Variants in RBM44 observed in about 807,000 individuals in gnomAD.
RBM44 encodes RNA-binding protein 44.
RBM44 carries 66 observed loss-of-function variants against 105.1 expected under a neutral mutation model. That is an observed-to-expected ratio of 0.63 (90% CI 0.52 to 0.77). RBM44 has a LOEUF of 0.77. RBM44 is among the 30% of genes least tolerant of loss of function. The probability of loss-of-function intolerance (pLI) is 0.00; values close to 1 mark genes in which losing one functional copy is unlikely to be tolerated. For missense variants in RBM44, 1,122 were observed against 1,207.8 expected, an observed-to-expected ratio of 0.93 and a Z score of 1.05; for synonymous variants, 365 against 417.6, an observed-to-expected ratio of 0.87 and a Z score of 1.54.
chr2:237,821,123 CTT>C lies in RBM44; in HGVS notation c.1969_1970del (p.Leu657GlyfsTer6). The C allele has an allele frequency of 6.2e-7, 1 of 1,610,014 alleles. No individual in the cohort carries two copies. On this transcript the variant is annotated frameshift_variant, in exon 6 of 16. Coordinates refer to ENST00000316997, the MANE Select transcript of RBM44 (RefSeq NM_001080504.3). LOFTEE classifies it high-confidence loss of function. ...KKELGSALLS[L>X]LGDLKVRYVT... ...GGAATTGGGATCAGCACTACTGTCT[CTT>C]TTGGGGGACTTAAAAGTTAGATATG...
At chr2:237,826,468 C>T (rs1235852898) in intron 10 of RBM44, among the ~76,000 whole-genome samples, 1 of 152,080 alleles carries the variant, frequency 6.6e-6, no homozygotes, top group Admixed American at 6.6e-5. Flanking sequence ...CAAGTTGTCT[C>T]TCCCCTTTTT....
At chr2:237,816,883 A>G in intron 2 of RBM44, 110 bp from the exon 3 acceptor site, 1 of 653,498 alleles carries the variant, frequency 1.5e-6, no homozygotes, top group Non-Finnish European at 2.4e-6. Flanking sequence ...TGGATGATGT[A>G]AATTGTAATC....
Position 237,803,451 on chromosome 2 carries a change from A to ATG in RBM44, c.-19+4592_-19+4593dup, listed in dbSNP as rs1280966774. On this transcript the variant is annotated intron_variant, in intron 1 of 15. Coordinates refer to ENST00000316997, the MANE Select transcript of RBM44 (RefSeq NM_001080504.3). The surrounding 1 kb of genome is among the most constrained non-coding windows in gnomAD (Gnocchi z 4.2). ...ATTTGCATTTCCCTGATGACTAATG[A>ATG]TGTTGAGCATGTTTTCATACCTATA... Among the ~76,000 whole-genome samples, 2 of 152,228 alleles carry ATG rather than the reference A, an allele frequency of 1.3e-5. No individual in the cohort carries two copies. The highest frequency in any genetic ancestry group is 2.9e-5 in the Non-Finnish European group (2 of 68,036).
intron 1 of RBM44, among the ~76,000 whole-genome samples, chr2:237,801,989 TA>T (rs2061550844): frequency 6.6e-6 from 1 of 152,224 alleles, no homozygotes; most frequent in African/African-American, 2.4e-5. Context: ...GATTTGAACA[TA>T]AAATTAATTG....
rs2061682386 is a variant in RBM44 at position 237,813,665 on chromosome 2, G to A, written c.56G>A (p.Gly19Glu). Residue 19 changes from glycine to glutamate, a missense_variant, in exon 2 of 16, where the codon GGA (glycine) becomes GAA (glutamate). Physicochemically the swap from Gly to Glu is moderately conservative, Grantham distance 98 (BLOSUM62 -2). Transcript: ENST00000316997. ...TCTGGTAAAGGCTACCACAGTAATGGAGGCAACCTCCAAAAAGGTAAGGGT... is the reference window on the plus strand; with the variant it reads ...TCTGGTAAAGGCTACCACAGTAATGAAGGCAACCTCCAAAAAGGTAAGGGT... ...TASGKGYHSNGGNLQKDKPSN... is the reference protein window; with the variant it reads ...TASGKGYHSNEGNLQKDKPSN... 6.2e-7 allele frequency: 1 copy of A among 1,609,468 alleles called. No homozygotes were observed. The highest frequency in any genetic ancestry group is 1.7e-5 in the Admixed American group (1 of 59,948).
chr2:237,835,569 CTGATATGG>C (rs967931616), intron 15 of RBM44, among the ~76,000 whole-genome samples: 50 of 152,240 alleles, frequency 3.3e-4, no homozygotes, highest in African/African-American at 1.1e-3. Context: ...AACCTTATTG[CTGATATGG>C]TGAAAATTTT....
At chr2:237,826,257 A>G (rs528364570) in intron 10 of RBM44, among the ~76,000 whole-genome samples, 28 of 152,222 alleles carry the variant, frequency 1.8e-4, no homozygotes, top group Admixed American at 1.8e-3. Context: ...TATTCAGCAA[A>G]TATTTGTGTA....
intron 1 of RBM44, 25 bp from the exon 2 acceptor site, chr2:237,813,567 A>T (rs778089934): frequency 1.7e-6 from 2 of 1,191,464 alleles, no homozygotes; most frequent in South Asian, 2.5e-5. Flanking sequence ...GTATAATAAT[A>T]GTTCAATATT....
rs1198784955 is a variant in RBM44, at chr2:237,803,318, CAT to C, written c.-19+4459_-19+4460del. ...ACAGAGCGAGACACACACACACACA[CAT>C]ACTCTCTCTCTCACACACACACACA... is the stretch of plus-strand genomic sequence containing the variant. On this transcript the variant is annotated intron_variant, in intron 1 of 15. Coordinates refer to ENST00000316997, the MANE Select transcript of RBM44 (RefSeq NM_001080504.3). This position sits in a 1 kb window ranked among gnomAD's most constrained non-coding sequence, Gnocchi z 4.2. Among the ~76,000 whole-genome samples, 2 of 151,240 alleles carry C rather than the reference CAT, an allele frequency of 1.3e-5. No individual in the cohort carries two copies. Among genetic ancestry groups the C allele is most frequent in the Admixed American group, 6.6e-5 (1 of 15,212 alleles).
At position 237,818,784 on chromosome 2, in the gene RBM44, A is replaced by G. The variant is rs1260791819; in HGVS notation, c.1678-117A>G. 1.8e-5 allele frequency: 12 copies of G among 677,380 alleles called. No individual in the cohort carries two copies. Among genetic ancestry groups the G allele is most frequent in the Non-Finnish European group, 2.7e-5 (11 of 409,838 alleles). The allele number at this position is 677,380 out of a possible 1,614,324, so 42.0% of individuals were successfully genotyped here. A position where few individuals can be genotyped will look rare whatever the true frequency, so the allele number is the denominator to read the frequency against. ...AGACGTGTAAATTACCACCAGTTCT[A>G]TCCTCCTCTCCTGGCAGCTCCTCCC... On this transcript the variant is annotated intron_variant, in intron 3 of 15. Coordinates refer to ENST00000316997, the MANE Select transcript of RBM44 (RefSeq NM_001080504.3). The surrounding 1 kb of genome is among the most constrained non-coding windows in gnomAD (Gnocchi z 4.6).
intron 15 of RBM44, among the ~76,000 whole-genome samples, chr2:237,835,195 G>T (rs1233679668): frequency 6.6e-6 from 1 of 152,180 alleles, no homozygotes; most frequent in African/African-American, 2.4e-5. Flanking sequence ...ATAAATGTGT[G>T]TGTTCTGACG....
chr2:237,817,659 T>C lies in RBM44; in HGVS notation c.740T>C (p.Phe247Ser), dbSNP rs2061734812. Residue 247 changes from phenylalanine (F) to serine (S), a missense_variant, in exon 3 of 16, where the codon TTC becomes TCC. Phe to Ser is a radical substitution (Grantham distance 155). Around this residue, in one of 3 missense-constraint regions of RBM44, gnomAD observed 918 missense variants for 955.3 expected, o/e 0.96. Transcript: ENST00000316997. ...TCGGGAAGTGGTTCTATCATCTCTT[T>C]CGATTCACTTGATGTTTATGGACAA... is the stretch of plus-strand genomic sequence containing the variant. Reference protein sequence around the residue: ...VNSGSGSIISFDSLDVYGQEE... With the variant: ...VNSGSGSIISSDSLDVYGQEE... 3.7e-6 allele frequency: 6 copies of C among 1,612,792 alleles called. No individual in the cohort carries two copies. The highest frequency in any genetic ancestry group is 4.5e-5 in the East Asian group (2 of 44,814).
At chr2:237,827,200 CAT>C in intron 10 of RBM44, 48 bp from the exon 11 acceptor site, 1 of 1,010,734 alleles carries the variant, frequency 9.9e-7, no homozygotes, top group African/African-American at 1.6e-5. Flanking sequence ...TTCTCTGAAA[CAT>C]ATCAGTACAA....
At chr2:237,822,314 T>C (rs1331814388) in intron 8 of RBM44, among the ~76,000 whole-genome samples, 2 of 152,112 alleles carry the variant, frequency 1.3e-5, no homozygotes, top group African/African-American at 4.8e-5. Flanking sequence ...TTCTTACTCT[T>C]TCTTGTTCCC....
At position 237,827,444 on chromosome 2, in the gene RBM44, G is replaced by A; in HGVS notation, c.2541G>A (p.Arg847=). ...LCPSVSEADL[R]SHFQKYQVSE... The stretch of plus-strand genomic sequence containing the variant: ...TTCTCTTCTTTTAGGCCGATTTAAG[G>A]TCTCATTTCCAAAAATACCAAGTTT... The change falls in exon 12 of 16, where the codon AGG becomes AGA. Residue 847 remains arginine, a synonymous_variant. Transcript: ENST00000316997. 3.3e-6 allele frequency: 5 copies of A among 1,529,576 alleles called. No homozygotes were observed. The highest frequency in any genetic ancestry group is 4.4e-6 in the Non-Finnish European group (5 of 1,127,950). 94.8% of individuals were successfully genotyped at this position (1,529,576 alleles called of 1,614,324 possible). A position where few individuals can be genotyped will look rare whatever the true frequency, so the allele number is the denominator to read the frequency against.
chr2:237,813,772 T>C, intron 2 of RBM44, 90 bp downstream of exon 2: 2 of 810,680 alleles, frequency 2.5e-6, no homozygotes, highest in South Asian at 3.0e-5. Flanking sequence ...GTTGCTGCTT[T>C]TTAACTCTTC....
At chr2:237,823,115 TATATATA>T (rs1249417074) in intron 8 of RBM44, among the ~76,000 whole-genome samples, 1 of 147,330 alleles carries the variant, frequency 6.8e-6, no homozygotes, top group Non-Finnish European at 1.5e-5. Flanking sequence ...TATTTGTGTA[TATATATA>T]ATATATATAT....
chr2:237,809,321 T>C (rs1406047359), intron 1 of RBM44, among the ~76,000 whole-genome samples: 1 of 152,230 alleles, frequency 6.6e-6, no homozygotes, highest in African/African-American at 2.4e-5. Context: ...TTTATCATTT[T>C]GTTTAATCTT....
chr2:237,821,819 C>G lies in RBM44; in HGVS notation c.2197C>G (p.Leu733Val), dbSNP rs766947090. The part of the protein sequence containing the change: ...VDVSSNLKKT[L>V]SQMSLSSDNS... Reference sequence around the variant, plus strand: ...TGTTTCTTCAAACCTAAAAAAGACACTCTCTCAAGTAAGGGTCCTTGAAAG... The same window carrying G: ...TGTTTCTTCAAACCTAAAAAAGACAGTCTCTCAAGTAAGGGTCCTTGAAAG... The change falls in exon 8 of 16, where the codon CTC becomes GTC. Residue 733 changes from leucine to valine, a missense_variant. Leu to Val is a conservative substitution (Grantham distance 32). Transcript: ENST00000316997. 3 of 1,602,372 alleles carry G rather than the reference C, an allele frequency of 1.9e-6. No individual in the cohort carries two copies. In the South Asian group the frequency reaches 3.3e-5, roughly 18 times the overall value.
Sources: gnomAD v4.1 joint callset for allele counts (sites outside exome capture counted in the v4.1 genomes callset) on GRCh38, gnomAD v4.1.1 for gene constraint, gnomAD v4.1.1 regional missense constraint, Gnocchi (gnomAD v3.1) non-coding constraint, MANE v1.5 for transcripts, NCBI Gene and HGNC (gene_info 2026-07-23, HGNC 2026-07-21) for gene names.